PKD2: variants seen among roughly 807,000 people sequenced by gnomAD.
PKD2 encodes the protein polycystin-2.
In PKD2, 48 loss-of-function variants were observed where a neutral mutation model predicts 105.9. The observed-to-expected ratio is 0.45, with a 90% CI of 0.36 to 0.58. The LOEUF (loss-of-function observed/expected upper bound fraction) is 0.58, where lower values mean the gene tolerates loss of function less well. Among genes scored for constraint, PKD2 ranks in the 20% least tolerant of loss-of-function variants. PKD2 has a pLI of 0.00. For missense variants in PKD2, 1,078 were observed against 1,255.3 expected, an observed-to-expected ratio of 0.86 and a Z score of 2.13; for synonymous variants, 464 against 481.1, an observed-to-expected ratio of 0.96 and a Z score of 0.46.
At chr4:88,015,835 AGTTCCCCAGT>A (rs1726541001) in intron 1 of PKD2, among the ~76,000 whole-genome samples, 4 of 152,362 alleles carry the variant, frequency 2.6e-5, no homozygotes, top group South Asian at 4.1e-4. Context: ...TCCATTACAG[AGTTCCCCAGT>A]GTTCCTATTA....
At chr4:88,047,997 T>C (rs1016887545) in intron 6 of PKD2, among the ~76,000 whole-genome samples, 1 of 152,226 alleles carries the variant, frequency 6.6e-6, no homozygotes, top group African/African-American at 2.4e-5. Context: ...ACTTCCTTCC[T>C]GTGGTTTCAG....
At chr4:88,039,536 G>A (rs1727476226) in intron 4 of PKD2, among the ~76,000 whole-genome samples, 1 of 151,882 alleles carries the variant, frequency 6.6e-6, no homozygotes, top group Non-Finnish European at 1.5e-5. Flanking sequence ...GTGGTGACAT[G>A]TGCCTATAGT....
In PKD2 at chr4:88,061,972, G is replaced by A. The variant is rs765649375; in HGVS notation, c.2086G>A (p.Ala696Thr). ...GAAATCTGACTTGGCACAGCAGAAA[G>A]CTGAAATGGAACTCTCAGATCTTAT... ...EVKSDLAQQK[A>T]EMELSDLIRK... Residue 696 changes from alanine (A) to threonine (T), a missense_variant, in exon 10 of 15, where the codon GCT becomes ACT. Physicochemically the swap from Ala to Thr is moderately conservative, Grantham distance 58. Coordinates refer to ENST00000237596, the MANE Select transcript of PKD2 (RefSeq NM_000297.4). 7 of 1,570,786 alleles carry A rather than the reference G, an allele frequency of 4.5e-6. No homozygotes were observed. In the South Asian group the frequency reaches 5.6e-5, roughly 12 times the overall value.
At chr4:88,023,128 T>C (rs1239939114) in intron 2 of PKD2, among the ~76,000 whole-genome samples, 5 of 151,430 alleles carry the variant, frequency 3.3e-5, no homozygotes, top group Non-Finnish European at 5.9e-5. Context: ...AATAAATAAA[T>C]AGAAAAGAAA....
chr4:88,019,010 A>G (rs1726656200), intron 1 of PKD2, among the ~76,000 whole-genome samples: 1 of 152,192 alleles, frequency 6.6e-6, no homozygotes, highest in Non-Finnish European at 1.5e-5. Flanking sequence ...GGGTGACCTA[A>G]AAGTTATTAC....
chr4:88,047,091 C>G (rs921497009), intron 6 of PKD2, among the ~76,000 whole-genome samples: 3 of 152,116 alleles, frequency 2.0e-5, no homozygotes, highest in African/African-American at 7.2e-5. Flanking sequence ...CTCAGCCACG[C>G]TAATAACAAG....
intron 2 of PKD2, among the ~76,000 whole-genome samples, chr4:88,028,159 A>G (rs930522246): frequency 6.6e-6 from 1 of 152,224 alleles, no homozygotes; most frequent in Admixed American, 6.5e-5. Flanking sequence ...CCATTTGTTT[A>G]TCTCTGAAAG....
At chr4:88,009,490 A>AT (rs5860111) in intron 1 of PKD2, among the ~76,000 whole-genome samples, 3,647 of 148,038 alleles carry the variant, frequency 0.025, 47 homozygotes, top group South Asian at 0.052. Flanking sequence ...CAATTTTTGG[A>AT]TTTTTTTTTT....
In PKD2 at chr4:88,065,409, A is replaced by C. The variant is rs758567628; in HGVS notation, c.2154A>C (p.Lys718Asn). 4.3e-6 allele frequency: 7 copies of C among 1,613,132 alleles called. No individual in the cohort carries two copies. The South Asian group carries it at 6.6e-5, about 15-fold the overall frequency. Residue 718 changes from lysine to asparagine, a missense_variant, in exon 11 of 15, where the codon AAA becomes AAC. Physicochemically the swap from Lys to Asn is moderately conservative, Grantham distance 94. Transcript: ENST00000237596. The stretch of plus-strand genomic sequence containing the variant: ...AAGCTTTGGTCAAACTAAAACTGAA[A>C]AAAAATACCGTGGATGACATTTCAG... ...YHKALVKLKL[K>N]KNTVDDISES...
chr4:88,075,691 A>G lies in PKD2; in HGVS notation c.2904A>G (p.Val968=), dbSNP rs777215141. 3.7e-6 allele frequency: 6 copies of G among 1,600,644 alleles called. No individual in the cohort carries two copies. Among genetic ancestry groups the G allele is most frequent in the Non-Finnish European group, 5.1e-6 (6 of 1,168,006 alleles). The change falls in exon 15 of 15, where the codon GTA becomes GTG. Residue 968 remains valine, a synonymous_variant. Coordinates refer to ENST00000237596, the MANE Select transcript of PKD2 (RefSeq NM_000297.4). ...AGGNGSSNVH[V] ...GAAATGGGAGTTCTAATGTCCACGT[A>G]TGATATGTGTGTTTCAGTATGTGTG...
intron 13 of PKD2, 103 bp downstream of exon 13, chr4:88,068,164 C>T (rs1720866279): frequency 2.0e-6 from 2 of 997,958 alleles, no homozygotes; most frequent in Non-Finnish European, 1.6e-6. Context: ...TACTAATCAT[C>T]CAGCTTTTAA....
chr4:88,022,782 T>C (rs1418736568), intron 2 of PKD2, among the ~76,000 whole-genome samples: 2 of 152,160 alleles, frequency 1.3e-5, no homozygotes, highest in Non-Finnish European at 2.9e-5. Flanking sequence ...GACTGGGTAA[T>C]TTATAAAAAA....
intron 10 of PKD2, among the ~76,000 whole-genome samples, chr4:88,063,281 A>G (rs1253282641): frequency 1.3e-5 from 2 of 152,230 alleles, no homozygotes; most frequent in African/African-American, 2.4e-5. Flanking sequence ...GCAGTGGCTC[A>G]CGCATGTTGG....
At chr4:88,054,625 C>G (rs1278435254) in intron 7 of PKD2, among the ~76,000 whole-genome samples, 1 of 126,818 alleles carries the variant, frequency 7.9e-6, no homozygotes, top group Non-Finnish European at 1.6e-5. Context: ...TCATTAAGGT[C>G]TTTAAGGCAG....
At chr4:88,058,146 G>T in intron 9 of PKD2, 43 bp downstream of exon 9, 1 of 1,186,298 alleles carries the variant, frequency 8.4e-7, no homozygotes, top group Non-Finnish European at 1.3e-6. Context: ...TTTAAACTTC[G>T]TAAATCCTTG....
At chr4:88,064,833 A>G (rs1720730604) in intron 10 of PKD2, among the ~76,000 whole-genome samples, 1 of 152,072 alleles carries the variant, frequency 6.6e-6, no homozygotes, top group East Asian at 1.9e-4. Flanking sequence ...TCGAGGCTGC[A>G]GTGAGCCAGA....
At chr4:88,068,789 C>T (rs1720890817) in intron 13 of PKD2, among the ~76,000 whole-genome samples, 1 of 152,130 alleles carries the variant, frequency 6.6e-6, no homozygotes, top group East Asian at 1.9e-4. Flanking sequence ...TCTCCCATTT[C>T]CTGGTTGATC....
chr4:88,019,515 A>G lies in PKD2; in HGVS notation c.653A>G (p.Lys218Arg). Residue 218 changes from lysine to arginine, a missense_variant, in exon 2 of 15, where the codon AAA (lysine) becomes AGA (arginine). Lys to Arg is a conservative substitution (Grantham distance 26). Transcript: ENST00000237596. ...AGCACTAACCGAGAGAAATACCTTAAAAGTGTTTTACGGGAACTGGTCACA... is the reference window on the plus strand; with the variant it reads ...AGCACTAACCGAGAGAAATACCTTAGAAGTGTTTTACGGGAACTGGTCACA... The part of the protein sequence containing the change: ...ESSTNREKYL[K>R]SVLRELVTYL... 1 of 1,609,230 alleles carries G rather than the reference A, an allele frequency of 6.2e-7. No individual in the cohort carries two copies.
At chr4:88,075,414 T>C in intron 14 of PKD2, 44 bp from the exon 15 acceptor site, 1 of 1,410,142 alleles carries the variant, frequency 7.1e-7, no homozygotes, top group Admixed American at 1.7e-5. Flanking sequence ...CCTAAGGCAT[T>C]TCCTTCTACT....
Sources: allele counts gnomAD v4.1 joint callset (sites outside exome capture counted in the v4.1 genomes callset), GRCh38; gene constraint gnomAD v4.1.1; transcripts MANE v1.5; gene names NCBI Gene and HGNC (gene_info 2026-07-23, HGNC 2026-07-21).